Variants in OPCML observed in about 807,000 individuals in gnomAD.
The protein encoded by OPCML is opioid binding protein/cell adhesion molecule like.
In OPCML, 13 loss-of-function variants were observed where a neutral mutation model predicts 37.8. That is an observed-to-expected ratio of 0.34 (90% CI 0.22 to 0.55). OPCML has a LOEUF of 0.55. Among genes scored for constraint, OPCML ranks in the 20% least tolerant of loss-of-function variants. OPCML has a pLI of 0.91. For missense variants in OPCML, 341 were observed against 435.6 expected (o/e 0.78, Z 1.93); for synonymous variants, 176 against 168.8 (o/e 1.04, Z -0.33).
chr11:132,623,114 A>G (rs1487319471), intron 3 of OPCML, among the ~76,000 whole-genome samples: 6 of 152,196 alleles, frequency 3.9e-5, no homozygotes, highest in Admixed American at 1.3e-4. Flanking sequence ...GTCAAAGGGG[A>G]AAAACACACA....
At chr11:133,480,144 C>T (rs1047532032) in intron 1 of OPCML, among the ~76,000 whole-genome samples, 1 of 152,220 alleles carries the variant, frequency 6.6e-6, no homozygotes, top group African/African-American at 2.4e-5. Context: ...CTTCCCTTCC[C>T]TTGATCGGAT....
intron 1 of OPCML, chr11:133,419,443 A>AAAG: frequency 3.8e-6 from 2 of 520,832 alleles, no homozygotes; most frequent in Non-Finnish European, 4.9e-6. Flanking sequence ...ACCACTAATA[A>AAAG]AAGTTGAGTT....
intron 3 of OPCML, among the ~76,000 whole-genome samples, chr11:132,594,640 G>GA (rs1288473903): frequency 1.3e-5 from 2 of 152,042 alleles, no homozygotes; most frequent in Non-Finnish European, 2.9e-5. Context: ...GGTACAGGGA[G>GA]AAAAAAGCAT....
chr11:133,060,234 C>T (rs1948316873), intron 1 of OPCML, among the ~76,000 whole-genome samples: 1 of 151,616 alleles, frequency 6.6e-6, no homozygotes, highest in Non-Finnish European at 1.5e-5. Flanking sequence ...TTCTCCCCAT[C>T]CCCTCAGGAT....
At chr11:132,926,292 C>T (rs752714063) in intron 2 of OPCML, among the ~76,000 whole-genome samples, 1 of 152,112 alleles carries the variant, frequency 6.6e-6, no homozygotes, top group Non-Finnish European at 1.5e-5. Context: ...TCTGTGATGA[C>T]GACCTCAGAG....
intron 1 of OPCML, among the ~76,000 whole-genome samples, chr11:133,324,763 A>C (rs1565572359): frequency 6.6e-6 from 1 of 152,220 alleles, no homozygotes; most frequent in Non-Finnish European, 1.5e-5. Context: ...CATCAATGCC[A>C]ATACTTTCTT....
At chr11:132,993,612 A>G (rs1946823066) in intron 1 of OPCML, among the ~76,000 whole-genome samples, 1 of 152,212 alleles carries the variant, frequency 6.6e-6, no homozygotes, top group Admixed American at 6.5e-5. Flanking sequence ...TACAAAGGGC[A>G]GAACACACTG....
At chr11:133,365,910 G>GA (rs1256309697) in intron 1 of OPCML, 1 of 152,198 alleles carries the variant, frequency 6.6e-6, no homozygotes, top group Non-Finnish European at 1.5e-5. Context: ...TAGGCCACAT[G>GA]GCCATCCACA....
intron 4 of OPCML, among the ~76,000 whole-genome samples, chr11:132,516,776 C>G (rs1216093873): frequency 6.6e-6 from 1 of 152,262 alleles, no homozygotes; most frequent in South Asian, 2.1e-4. Context: ...GGCATGCGTG[C>G]ATTAAATAAA....
intron 1 of OPCML, among the ~76,000 whole-genome samples, chr11:133,292,003 T>G (rs1276270611): frequency 6.6e-6 from 1 of 152,216 alleles, no homozygotes; most frequent in Non-Finnish European, 1.5e-5. Context: ...AACTATTTAT[T>G]AGGCCCGTCC....
chr11:132,576,582 C>T (rs569869308), intron 3 of OPCML, among the ~76,000 whole-genome samples: 1 of 152,070 alleles, frequency 6.6e-6, no homozygotes, highest in Admixed American at 6.6e-5. Context: ...TTTGAATTCT[C>T]TCTTAGGTAA....
At chr11:132,694,484 A>G (rs533590446) in intron 2 of OPCML, among the ~76,000 whole-genome samples, 1 of 152,254 alleles carries the variant, frequency 6.6e-6, no homozygotes, top group Non-Finnish European at 1.5e-5. Flanking sequence ...GGCGTGAGCC[A>G]CCGTGCCTGG....
intron 1 of OPCML, chr11:133,007,242 T>G: frequency 3.0e-6 from 3 of 985,456 alleles, no homozygotes; most frequent in Non-Finnish European, 3.6e-6. Context: ...CCGTTTATTT[T>G]AGCAATTTGT....
chr11:132,606,040 T>C (rs996157363), intron 3 of OPCML, among the ~76,000 whole-genome samples: 1 of 152,168 alleles, frequency 6.6e-6, no homozygotes, highest in African/African-American at 2.4e-5. Context: ...GGTACTTGGG[T>C]CCTTTTTCTT....
At chr11:133,202,695 C>T (rs1221340981) in intron 1 of OPCML, among the ~76,000 whole-genome samples, 2 of 152,228 alleles carry the variant, frequency 1.3e-5, no homozygotes, top group African/African-American at 2.4e-5. Context: ...GCAAGTTAGG[C>T]CCCAATATTC....
At chr11:132,503,234 C>T (rs1325596412) in intron 4 of OPCML, among the ~76,000 whole-genome samples, 1 of 152,138 alleles carries the variant, frequency 6.6e-6, no homozygotes, top group Non-Finnish European at 1.5e-5. Context: ...TTTGAGGCTA[C>T]ACTTTTTTCC....
intron 2 of OPCML, among the ~76,000 whole-genome samples, chr11:132,820,195 G>T (rs1431630513): frequency 6.6e-6 from 1 of 152,142 alleles, no homozygotes; most frequent in African/African-American, 2.4e-5. Context: ...TAAAAGTAAG[G>T]TCATTAACCT....
intron 1 of OPCML, among the ~76,000 whole-genome samples, chr11:133,040,025 T>A: frequency 6.6e-6 from 1 of 150,538 alleles, no homozygotes; most frequent in Non-Finnish European, 1.5e-5. Context: ...CGAGACTCCA[T>A]CTCAAAAAAA....
chr11:132,751,368 G>T (rs1321517304), intron 2 of OPCML, among the ~76,000 whole-genome samples: 1 of 152,174 alleles, frequency 6.6e-6, no homozygotes, highest in Non-Finnish European at 1.5e-5. Flanking sequence ...ATCTACAGCA[G>T]GGTGCTGCAG....
Sources: gnomAD v4.1 joint callset for allele counts (sites outside exome capture counted in the v4.1 genomes callset) on GRCh38, gnomAD v4.1.1 for gene constraint, MANE v1.5 for transcripts, NCBI Gene and HGNC (gene_info 2026-07-23, HGNC 2026-07-21) for gene names.